Variants in UNC79 observed in about 807,000 individuals in gnomAD.
The protein encoded by UNC79 is unc-79 subunit of NALCN channel complex.
In UNC79, 37 loss-of-function variants were observed where a neutral mutation model predicts 283.1. That is an observed-to-expected ratio of 0.13 (90% CI 0.10 to 0.17). UNC79 has a LOEUF of 0.17. Ranked by LOEUF, UNC79 falls within the 10% of genes least tolerant of loss-of-function variation. The pLI, the probability that UNC79 is intolerant of heterozygous loss-of-function variation, is 1.00. For missense variants in UNC79, 2,272 were observed against 3,211.1 expected (o/e 0.71, Z 7.07); for synonymous variants, 1,107 against 1,200.2 (o/e 0.92, Z 1.61).
At chr14:93,530,801 C>T (rs975835801) in intron 10 of UNC79, among the ~76,000 whole-genome samples, 2 of 151,680 alleles carry the variant, frequency 1.3e-5, no homozygotes, top group African/African-American at 2.4e-5. Flanking sequence ...CCCAGCTACT[C>T]GGGAGGCTGA....
At chr14:93,371,887 A>G (rs531233241) in intron 1 of UNC79, among the ~76,000 whole-genome samples, 1 of 152,282 alleles carries the variant, frequency 6.6e-6, no homozygotes, top group South Asian at 2.1e-4. Flanking sequence ...AACCGTGCAA[A>G]CAAGATGATA....
At chr14:93,506,956 A>G (rs1049608406) in intron 7 of UNC79, among the ~76,000 whole-genome samples, 1 of 152,222 alleles carries the variant, frequency 6.6e-6, no homozygotes, top group Non-Finnish European at 1.5e-5. Flanking sequence ...TGGTTTCTAC[A>G]TAATTCATAT....
intron 1 of UNC79, among the ~76,000 whole-genome samples, chr14:93,443,824 G>A (rs1430887876): frequency 6.6e-6 from 1 of 152,112 alleles, no homozygotes; most frequent in East Asian, 1.9e-4. Context: ...ATAGTCCATG[G>A]CATGTGTATA....
At chr14:93,620,999 A>C (rs746376556) in intron 29 of UNC79, 1 of 518,350 alleles carries the variant, frequency 1.9e-6, no homozygotes, top group South Asian at 1.4e-5. Context: ...AGGCGGCAGC[A>C]AAATGGTGAA....
At chr14:93,581,297 C>T (rs1211789955) in intron 19 of UNC79, among the ~76,000 whole-genome samples, 2 of 151,620 alleles carry the variant, frequency 1.3e-5, no homozygotes, top group Admixed American at 6.6e-5. Flanking sequence ...CTACCTCAGC[C>T]TCCTCGGTAA....
intron 1 of UNC79, among the ~76,000 whole-genome samples, chr14:93,458,394 G>T (rs529280796): frequency 6.6e-6 from 1 of 152,296 alleles, no homozygotes; most frequent in South Asian, 2.1e-4. Context: ...GCTGTAGGTG[G>T]GAACTCACAT....
chr14:93,615,720 C>CAAAAAAAAAAAAAAAAAAAAAA (rs1158073507), intron 27 of UNC79, among the ~76,000 whole-genome samples: 4 of 23,292 alleles, frequency 1.7e-4, no homozygotes, highest in Non-Finnish European at 3.2e-4. Context: ...GACTCCATCT[C>CAAAAAAAAAAAAAAAAAAAAAA]AAAAAAAAAA....
At chr14:93,600,191 C>T (rs1276783182) in intron 24 of UNC79, among the ~76,000 whole-genome samples, 1 of 152,070 alleles carries the variant, frequency 6.6e-6, no homozygotes, top group Non-Finnish European at 1.5e-5. Flanking sequence ...CAGAGTGAGA[C>T]TTCATCTCAA....
chr14:93,561,486 A>T (rs2062548702), intron 14 of UNC79, among the ~76,000 whole-genome samples: 1 of 152,010 alleles, frequency 6.6e-6, no homozygotes, highest in Admixed American at 6.6e-5. Context: ...GATGTTTCCC[A>T]GCCTGTATAT....
chr14:93,431,858 C>T (rs1413481024), intron 1 of UNC79, among the ~76,000 whole-genome samples: 3 of 152,152 alleles, frequency 2.0e-5, no homozygotes, highest in Admixed American at 6.5e-5. Flanking sequence ...TTGCAGTGCG[C>T]ACTAGTAGGC....
chr14:93,541,143 C>A (rs1426012943), intron 13 of UNC79, among the ~76,000 whole-genome samples: 1 of 152,096 alleles, frequency 6.6e-6, no homozygotes, highest in African/African-American at 2.4e-5. Flanking sequence ...TGGTACAAGT[C>A]GGGAAGTTGC....
intron 1 of UNC79, among the ~76,000 whole-genome samples, chr14:93,336,080 C>CT (rs35606277): frequency 1.3e-5 from 2 of 152,124 alleles, no homozygotes; most frequent in South Asian, 2.1e-4. Flanking sequence ...TTGTACCCCC[C>CT]TTTTTTACCA....
intron 5 of UNC79, 106 bp downstream of exon 5, chr14:93,487,861 G>C (rs1366688271): frequency 9.3e-7 from 1 of 1,073,742 alleles, no homozygotes; most frequent in Non-Finnish European, 1.3e-6. Context: ...TCATCATAGA[G>C]ATGTGTAGAA....
intron 1 of UNC79, among the ~76,000 whole-genome samples, chr14:93,360,045 G>A (rs550592467): frequency 6.6e-6 from 1 of 152,172 alleles, no homozygotes; most frequent in South Asian, 2.1e-4. Flanking sequence ...ACTTATGGAG[G>A]TAAGGTAATT....
In UNC79 at chr14:93,688,690, C is replaced by T. The variant is rs746437748; in HGVS notation, c.6935C>T (p.Pro2312Leu). The stretch of plus-strand genomic sequence containing the variant: ...AGCCACATGAAGACATGTTCCCAGC[C>T]TCTGCATGAAGATACCTTTGGGGGA... Residue 2312 changes from proline (P) to leucine (L), a missense_variant, in exon 44 of 49, where the codon CCT (proline) becomes CTT (leucine). Pro to Leu is a moderately conservative substitution (Grantham distance 98). Around this residue, in one of 11 missense-constraint regions of UNC79, gnomAD observed 287 missense variants for 446.4 expected, o/e 0.64. Transcript: ENST00000555664. The surrounding 1 kb of genome is among the most constrained non-coding windows in gnomAD (Gnocchi z 4.0). 1.2e-6 allele frequency: 2 copies of T among 1,613,912 alleles called. No homozygotes were observed. Among genetic ancestry groups the T allele is most frequent in the Admixed American group, 3.3e-5 (2 of 59,998 alleles).
At chr14:93,532,460 C>A (rs942068) in intron 10 of UNC79, 90 bp from the exon 11 acceptor site, 1,256,707 of 1,447,712 alleles carry the variant, frequency 0.87, 546,571 homozygotes, top group East Asian at 0.94. Flanking sequence ...ACAGAGTGAG[C>A]CACTGTCTCA....
At chr14:93,583,438 G>C (rs1321982362) in intron 20 of UNC79, among the ~76,000 whole-genome samples, 1 of 152,214 alleles carries the variant, frequency 6.6e-6, no homozygotes. Flanking sequence ...TTAGGGGACT[G>C]TTTTCTGGGG....
At chr14:93,378,317 GATT>G (rs1179272913) in intron 1 of UNC79, among the ~76,000 whole-genome samples, 1 of 152,148 alleles carries the variant, frequency 6.6e-6, no homozygotes, top group African/African-American at 2.4e-5. Flanking sequence ...ATCTTTAGGT[GATT>G]ATAAGAATTT....
At chr14:93,360,580 A>AC (rs1279861370) in intron 1 of UNC79, among the ~76,000 whole-genome samples, 1 of 152,224 alleles carries the variant, frequency 6.6e-6, no homozygotes, top group Non-Finnish European at 1.5e-5. Context: ...CATGAGGCCC[A>AC]CCAGAAGCAA....
Sources: gnomAD v4.1 joint callset for allele counts (sites outside exome capture counted in the v4.1 genomes callset) on GRCh38, gnomAD v4.1.1 for gene constraint, gnomAD v4.1.1 regional missense constraint, Gnocchi (gnomAD v3.1) non-coding constraint, MANE v1.5 for transcripts, NCBI Gene and HGNC (gene_info 2026-07-23, HGNC 2026-07-21) for gene names.